The following RILPL1 variants were observed in gnomAD, a reference collection of about 807,000 sequenced individuals.
RILPL1 encodes the protein RILP-like protein 1.
In RILPL1, 33 loss-of-function variants were observed where a neutral mutation model predicts 50.3. The ratio of observed to expected loss-of-function variants is 0.66; its 90% CI spans 0.50 to 0.88. The LOEUF is 0.88. Among genes scored for constraint, RILPL1 ranks in the 40% least tolerant of loss-of-function variants. RILPL1 has a pLI of 0.00. For missense variants in RILPL1, 418 were observed against 542.5 expected, an observed-to-expected ratio of 0.77 and a Z score of 2.28; for synonymous variants, 205 against 228.6, an observed-to-expected ratio of 0.90 and a Z score of 0.93.
rs1041048745 is a variant in RILPL1, at chr12:123,470,501, C to T, written c.*2037G>A. On this transcript the variant is annotated 3_prime_UTR_variant, in exon 7 of 7. Transcript: ENST00000376874. ...AAAAAAAAAAAAAAAAAAGGCCAGCCACAGTGGCTCACACCTGTAATCCCA... is the reference window on the plus strand; with the variant it reads ...AAAAAAAAAAAAAAAAAAGGCCAGCTACAGTGGCTCACACCTGTAATCCCA... 5 of 152,206 alleles carry T rather than the reference C, an allele frequency of 3.3e-5. 1 individual carries two copies. The highest frequency in any genetic ancestry group is 2.0e-4 in the Admixed American group (3 of 14,944). 9.4% of individuals were successfully genotyped at this position (152,206 alleles called of 1,614,324 possible). A position where few individuals can be genotyped will look rare whatever the true frequency, so the allele number is the denominator to read the frequency against.
At chr12:123,518,213 T>G (rs1394554889) in intron 2 of RILPL1, among the ~76,000 whole-genome samples, 2 of 152,098 alleles carry the variant, frequency 1.3e-5, no homozygotes, top group Non-Finnish European at 2.9e-5. Flanking sequence ...TTAAAAATGA[T>G]TAAGACAGGG....
At chr12:123,521,123 C>A (rs1017435390) in intron 2 of RILPL1, among the ~76,000 whole-genome samples, 2 of 152,082 alleles carry the variant, frequency 1.3e-5, no homozygotes, top group African/African-American at 2.4e-5. Context: ...AATGATAACC[C>A]GTAGTAATAA....
At chr12:123,531,529 T>C (rs375900453) in intron 1 of RILPL1, among the ~76,000 whole-genome samples, 5 of 151,874 alleles carry the variant, frequency 3.3e-5, no homozygotes, top group African/African-American at 1.2e-4. Context: ...CTATGAGAGA[T>C]GGAGGCCTCT....
intron 2 of RILPL1, chr12:123,513,807 A>G (rs1403711489): frequency 2.0e-5 from 3 of 152,324 alleles, no homozygotes; most frequent in South Asian, 2.1e-4. Context: ...ACACCCAGCA[A>G]TTCAGGATCT....
intron 2 of RILPL1, among the ~76,000 whole-genome samples, chr12:123,510,376 GTGTGTGTGGTGTGTGAGGTC>G (rs1349885683): frequency 6.6e-6 from 1 of 152,134 alleles, no homozygotes; most frequent in Admixed American, 6.5e-5. Context: ...GTGTGTGTGT[GTGTGTGTGGTGTGTGAGGTC>G]TGTGTGTGGT....
rs1000391042 is a variant in RILPL1 at position 123,522,646 on chromosome 12, C to T, written c.460+849G>A. The stretch of plus-strand genomic sequence containing the variant: ...CATCTTACTGTCGCTCAGGCTGTAG[C>T]GCAGTGGTATGATCTCAGCTCACTG... On this transcript the variant is annotated intron_variant, in intron 2 of 6. Coordinates refer to ENST00000376874, the MANE Select transcript of RILPL1 (RefSeq NM_178314.5). The surrounding 1 kb of genome is among the most constrained non-coding windows in gnomAD (Gnocchi z 4.0). Among the ~76,000 whole-genome samples, 8 of 152,082 alleles carry T rather than the reference C, an allele frequency of 5.3e-5. No individual in the cohort carries two copies. In the South Asian group the frequency reaches 6.2e-4, roughly 12 times the overall value.
chr12:123,528,589 G>A (rs1261505028), intron 1 of RILPL1, among the ~76,000 whole-genome samples: 2 of 151,644 alleles, frequency 1.3e-5, no homozygotes, highest in Admixed American at 6.6e-5. Context: ...CACCACGCCC[G>A]GCTAATTTTT....
At chr12:123,482,056 T>G (rs1882039722) in intron 6 of RILPL1, among the ~76,000 whole-genome samples, 1 of 151,912 alleles carries the variant, frequency 6.6e-6, no homozygotes, top group South Asian at 2.1e-4. Flanking sequence ...GTAGTTTTAG[T>G]AGAAATGAGG....
In RILPL1 at chr12:123,485,277, C is replaced by T; in HGVS notation, c.974+356G>A. The T allele has an allele frequency of 4.4e-6, 2 of 459,716 alleles. No homozygotes were observed. The highest frequency in any genetic ancestry group is 1.6e-5 in the South Asian group (1 of 64,190). 28.5% of individuals were successfully genotyped at this position (459,716 alleles called of 1,614,324 possible). The stretch of plus-strand genomic sequence containing the variant: ...AGGATAATGTAGGAGGTGAAAAGGG[C>T]CACATAGACCATTAACACCGGGGCC... On this transcript the variant is annotated intron_variant, in intron 5 of 6. Coordinates refer to ENST00000376874, the MANE Select transcript of RILPL1 (RefSeq NM_178314.5). This position sits in a 1 kb window ranked among gnomAD's most constrained non-coding sequence, Gnocchi z 4.0.
chr12:123,530,862 A>G (rs1333115255), intron 1 of RILPL1, among the ~76,000 whole-genome samples: 1 of 152,176 alleles, frequency 6.6e-6, no homozygotes, highest in Non-Finnish European at 1.5e-5. Context: ...GAGACAGAAC[A>G]TGACACAACT....
Position 123,472,418 on chromosome 12 carries a change from G to A in RILPL1, c.*120C>T. On this transcript the variant is annotated 3_prime_UTR_variant, in exon 7 of 7. Transcript: ENST00000376874. ...TCAAATCAGACAGTCTGTTTGAGGG[G>A]TCAGTTTTCAGGGTGCATCTGCACC... The A allele has an allele frequency of 1.9e-6, 2 of 1,056,004 alleles. No individual in the cohort carries two copies. Among genetic ancestry groups the A allele is most frequent in the Non-Finnish European group, 2.7e-6 (2 of 735,598 alleles). 65.4% of individuals were successfully genotyped at this position (1,056,004 alleles called of 1,614,324 possible). A position where few individuals can be genotyped will look rare whatever the true frequency, so the allele number is the denominator to read the frequency against.
chr12:123,512,995 GGTTT>G (rs1593588987), intron 2 of RILPL1, among the ~76,000 whole-genome samples: 1 of 143,474 alleles, frequency 7.0e-6, no homozygotes, highest in African/African-American at 2.6e-5. Flanking sequence ...TGGTATGTGA[GGTTT>G]GTGTGTGGTG....
chr12:123,489,650 C>A lies in RILPL1; in HGVS notation c.802-3845G>T, dbSNP rs571973974. 6.7e-6 allele frequency among the ~76,000 whole-genome samples: 1 copy of A among 150,230 alleles called. No individual in the cohort carries two copies. Among genetic ancestry groups the A allele is most frequent in the African/African-American group, 2.5e-5 (1 of 40,746 alleles). On this transcript the variant is annotated intron_variant, in intron 4 of 6. Transcript: ENST00000376874. This position sits in a 1 kb window ranked among gnomAD's most constrained non-coding sequence, Gnocchi z 4.0. The stretch of plus-strand genomic sequence containing the variant: ...CTGTACTCCAGCCTGGGCGACAGAG[C>A]GACAGAGTAAGACTCCATCTTAAAA...
intron 2 of RILPL1, chr12:123,518,380 A>C (rs935458986): frequency 2.4e-6 from 1 of 413,206 alleles, no homozygotes; most frequent in African/African-American, 2.1e-5. Context: ...GGTGGTGCAC[A>C]CCTGTCATCC....
At chr12:123,510,520 T>C (rs1257712760) in intron 2 of RILPL1, among the ~76,000 whole-genome samples, 1 of 126,772 alleles carries the variant, frequency 7.9e-6, no homozygotes, top group Non-Finnish European at 1.5e-5. Context: ...GAGGTCTGTG[T>C]ATGGTGTGTG....
chr12:123,529,288 T>C (rs1483556488), intron 1 of RILPL1, among the ~76,000 whole-genome samples: 1 of 152,166 alleles, frequency 6.6e-6, no homozygotes, highest in African/African-American at 2.4e-5. Context: ...TGGCACTTAT[T>C]ATAAGCTGAT....
At chr12:123,519,380 CACAA>C (rs1884896513) in intron 2 of RILPL1, 1 of 152,218 alleles carries the variant, frequency 6.6e-6, no homozygotes, top group African/African-American at 2.4e-5. Context: ...ACTGGATTGC[CACAA>C]ACAGCCGGGA....
intron 4 of RILPL1, among the ~76,000 whole-genome samples, chr12:123,490,634 C>T (rs1292795196): frequency 6.6e-6 from 1 of 151,982 alleles, no homozygotes; most frequent in African/African-American, 2.4e-5. Context: ...GATGGGGTCT[C>T]ACTTTGTTGC....
chr12:123,487,043 C>T (rs1882386908), intron 4 of RILPL1, among the ~76,000 whole-genome samples: 2 of 152,110 alleles, frequency 1.3e-5, no homozygotes, highest in Admixed American at 6.6e-5. Flanking sequence ...AAGTGATCCA[C>T]CCGCCTTTGC....
Sources: gnomAD v4.1 joint callset for allele counts (sites outside exome capture counted in the v4.1 genomes callset) on GRCh38, gnomAD v4.1.1 for gene constraint, Gnocchi (gnomAD v3.1) non-coding constraint, MANE v1.5 for transcripts, NCBI Gene and HGNC (gene_info 2026-07-23, HGNC 2026-07-21) for gene names.